Variants in DAGLB observed in about 807,000 individuals in gnomAD.
DAGLB encodes diacylglycerol lipase beta.
In DAGLB, 66 loss-of-function variants were observed where a neutral mutation model predicts 72.1. The ratio of observed to expected loss-of-function variants is 0.92; its 90% CI spans 0.75 to 1.12. The LOEUF is 1.12. DAGLB is among the 50% of genes most tolerant of loss of function. DAGLB has a pLI of 0.00. For missense variants in DAGLB, 1,065 were observed against 884.9 expected, an observed-to-expected ratio of 1.20 and a Z score of -2.58; for synonymous variants, 414 against 359.5, an observed-to-expected ratio of 1.15 and a Z score of -1.71.
At chr7:6,447,125 C>T (rs915352594) in intron 1 of DAGLB, among the ~76,000 whole-genome samples, 3 of 152,228 alleles carry the variant, frequency 2.0e-5, no homozygotes, top group Non-Finnish European at 4.4e-5. Context: ...AGGCGTGAGC[C>T]ATGGCGCCCA....
intron 9 of DAGLB, among the ~76,000 whole-genome samples, chr7:6,420,453 A>G (rs577150625): frequency 6.7e-6 from 1 of 148,298 alleles, no homozygotes; most frequent in Non-Finnish European, 1.5e-5. Context: ...AAAAAAAAAG[A>G]AAAGAAACAG....
rs545104996 is a variant in DAGLB, at chr7:6,443,051, C to T, written c.247+2902G>A. Reference sequence around the variant, plus strand: ...AAAAAAAAATAGCCAGGCACGGTGGCGGGCGCCTGTAGTCCCAGCTACTTG... The same window carrying T: ...AAAAAAAAATAGCCAGGCACGGTGGTGGGCGCCTGTAGTCCCAGCTACTTG... On this transcript the variant is annotated intron_variant, in intron 2 of 14. Coordinates refer to ENST00000297056, the MANE Select transcript of DAGLB (RefSeq NM_139179.4). Among the ~76,000 whole-genome samples the T allele has an allele frequency of 7.2e-4, 108 of 149,646 alleles. 1 individual carries two copies. Among genetic ancestry groups the T allele is most frequent in the African/African-American group, 2.4e-3 (97 of 40,800 alleles).
At chr7:6,414,537 G>C (rs972447489) in intron 11 of DAGLB, among the ~76,000 whole-genome samples, 1 of 151,830 alleles carries the variant, frequency 6.6e-6, no homozygotes, top group Non-Finnish European at 1.5e-5. Flanking sequence ...CTGGGCTCAA[G>C]TGATCCTCCT....
rs765101962 is a variant in DAGLB at position 6,445,991 on chromosome 7, A to T, written c.209T>A (p.Ile70Lys). The T allele has an allele frequency of 1.2e-6, 2 of 1,613,752 alleles. No individual in the cohort carries two copies. The highest frequency in any genetic ancestry group is 4.5e-5 in the East Asian group (2 of 44,876). The change falls in exon 2 of 15, where the codon ATA becomes AAA. Residue 70 changes from isoleucine (I) to lysine (K), a missense_variant. Transcript: ENST00000297056. ...ACACATGATGGCTGACACAGTACAT[A>T]TGACAACTGCCAGGAGAATCATGAG... ...IVLMILLAVV[I>K]CTVSAIMCVS...
chr7:6,423,020 G>C (rs1046876249), intron 8 of DAGLB, among the ~76,000 whole-genome samples: 2 of 152,210 alleles, frequency 1.3e-5, no homozygotes, highest in Non-Finnish European at 2.9e-5. Flanking sequence ...CAGACGCTGA[G>C]GTGAGTGGAT....
In DAGLB at chr7:6,418,899, C is replaced by T. The variant is rs192825020; in HGVS notation, c.1219-1978G>A. ...CAGGATGGTCTCCATCTCCTGACCT[C>T]GTGATCCACCCGCCTCGGCCTCCCA... On this transcript the variant is annotated intron_variant, in intron 9 of 14. Coordinates refer to ENST00000297056, the MANE Select transcript of DAGLB (RefSeq NM_139179.4). Among the ~76,000 whole-genome samples, 6 of 151,876 alleles carry T rather than the reference C, an allele frequency of 4.0e-5. No homozygotes were observed. The East Asian group carries it at 5.8e-4, about 15-fold the overall frequency.
chr7:6,413,624 C>T (rs1583279639), intron 11 of DAGLB, among the ~76,000 whole-genome samples: 2 of 148,076 alleles, frequency 1.4e-5, no homozygotes, highest in Admixed American at 1.3e-4. Context: ...AGCGAGACTC[C>T]ATCTCAAAAG....
chr7:6,424,982 C>T, intron 7 of DAGLB, 147 bp from the exon 8 acceptor site: 1 of 716,794 alleles, frequency 1.4e-6, no homozygotes, highest in South Asian at 1.6e-5. Context: ...ACGCTCACTA[C>T]ACAGTGGGAC....
Position 6,410,084 on chromosome 7 carries a change from C to A in DAGLB, c.1820+46G>T. ...CTCCCACGCGGCCCCAGGGCTGACC[C>A]CGCGCTGCTCCTGCCTGCCCACCAC... On this transcript the variant is annotated intron_variant, in intron 14 of 14. Transcript: ENST00000297056. 4 of 1,586,128 alleles carry A rather than the reference C, an allele frequency of 2.5e-6. No homozygotes were observed. In the East Asian group the frequency reaches 9.0e-5, roughly 36 times the overall value.
rs1349376362 is a variant in DAGLB, at chr7:6,416,771, A to AGAATGAGGT, written c.1300-26_1300-18dup. On this transcript the variant is annotated splice_polypyrimidine_tract_variant and intron_variant, in intron 10 of 14. Transcript: ENST00000297056. Reference sequence around the variant, plus strand: ...CCGGTACTCCTAGAGGACAGACAGCAGAATGAGGTGAAGGGTAAAAACAAC... The same window carrying AGAATGAGGT: ...CCGGTACTCCTAGAGGACAGACAGCAGAATGAGGTGAATGAGGTGAAGGGTAAAAACAAC... 4.3e-6 allele frequency: 7 copies of AGAATGAGGT among 1,613,910 alleles called. No individual in the cohort carries two copies. In the Admixed American group the frequency reaches 1.2e-4, roughly 27 times the overall value.
At position 6,424,805 on chromosome 7, in the gene DAGLB, C is replaced by T. The variant is rs763811319; in HGVS notation, c.1087G>A (p.Asp363Asn). The T allele has an allele frequency of 2.5e-6, 4 of 1,613,936 alleles. No individual in the cohort carries two copies. The highest frequency in any genetic ancestry group is 3.4e-6 in the Non-Finnish European group (4 of 1,179,898). The change falls in exon 8 of 15, where the codon GAT (aspartate) becomes AAT (asparagine). Residue 363 changes from aspartate (D) to asparagine (N), a missense_variant. Coordinates refer to ENST00000297056, the MANE Select transcript of DAGLB (RefSeq NM_139179.4). ...VYELPFLVAL[D>N]HRKESVVVAV... ...ACCACAACAGACTCTTTCCTGTGAT[C>T]CAGAGCCACTAAAAACGGCAGCTCG... is the stretch of plus-strand genomic sequence containing the variant.
rs1783662568 is a variant in DAGLB, at chr7:6,409,952, A to G, written c.1904T>C (p.Met635Thr). Residue 635 changes from methionine to threonine, a missense_variant, in exon 15 of 15, where the codon ATG (methionine) becomes ACG (threonine). Met to Thr is a moderately conservative substitution (Grantham distance 81). Coordinates refer to ENST00000297056, the MANE Select transcript of DAGLB (RefSeq NM_139179.4). ...GATGTCTGGCATGTGGTCGGTGAGC[A>G]TCTTCGGACCTATGAGTATTTTGCT... ...EFSKILIGPKMLTDHMPDILM... is the reference protein window; with the variant it reads ...EFSKILIGPKTLTDHMPDILM... 2 of 1,614,124 alleles carry G rather than the reference A, an allele frequency of 1.2e-6. No individual in the cohort carries two copies. Among genetic ancestry groups the G allele is most frequent in the Non-Finnish European group, 1.7e-6 (2 of 1,180,038 alleles).
chr7:6,445,496 T>TA (rs139980260), intron 2 of DAGLB, among the ~76,000 whole-genome samples: 4,061 of 152,270 alleles, frequency 0.027, 88 homozygotes, highest in South Asian at 0.097. Context: ...GAGTGACTGC[T>TA]AATGGGTATG....
intron 6 of DAGLB, among the ~76,000 whole-genome samples, chr7:6,429,222 TA>T (rs1360311446): frequency 2.6e-5 from 4 of 151,988 alleles, no homozygotes. Flanking sequence ...TATGATACAC[TA>T]GGAAGGATGG....
At chr7:6,417,698 G>C (rs1407829289) in intron 9 of DAGLB, 1 of 151,948 alleles carries the variant, frequency 6.6e-6, no homozygotes, top group Admixed American at 6.6e-5. Flanking sequence ...GGGCCACATA[G>C]CAAGACCCCA....
chr7:6,417,491 C>G (rs920421236), intron 9 of DAGLB: 65 of 153,810 alleles, frequency 4.2e-4, no homozygotes, highest in African/African-American at 1.4e-3. Context: ...TTTTCTGTAG[C>G]TACACCGTTT....
Position 6,409,945 on chromosome 7 carries a change from G to C in DAGLB, c.1911C>G (p.Thr637=), listed in dbSNP as rs758645677. The C allele has an allele frequency of 1.2e-6, 2 of 1,614,150 alleles. No homozygotes were observed. The highest frequency in any genetic ancestry group is 4.5e-5 in the East Asian group (2 of 44,880). Residue 637 remains threonine, a synonymous_variant, in exon 15 of 15, where the codon ACC becomes ACG. Coordinates refer to ENST00000297056, the MANE Select transcript of DAGLB (RefSeq NM_139179.4). ...SKILIGPKML[T]DHMPDILMRA... is the part of the protein sequence containing the mutation. ...GCATCAGGATGTCTGGCATGTGGTC[G>C]GTGAGCATCTTCGGACCTATGAGTA...
intron 9 of DAGLB, among the ~76,000 whole-genome samples, chr7:6,420,752 C>T (rs1011374172): frequency 6.6e-6 from 1 of 152,178 alleles, no homozygotes. Flanking sequence ...GCCCCCAAAA[C>T]TAGAAACCCC....
Position 6,436,977 on chromosome 7 carries a change from T to A in DAGLB, c.248-444A>T, listed in dbSNP as rs1784680045. 2.6e-5 allele frequency among the ~76,000 whole-genome samples: 4 copies of A among 151,780 alleles called. No individual in the cohort carries two copies. In the South Asian group the frequency reaches 8.3e-4, roughly 32 times the overall value. On this transcript the variant is annotated intron_variant, in intron 2 of 14. Transcript: ENST00000297056. The stretch of plus-strand genomic sequence containing the variant: ...CCAGCCTGGCCAACATGGTGAAACC[T>A]CATCTCTACTAAAAATTAAAAAATT...
Sources: gnomAD v4.1 joint callset for allele counts (sites outside exome capture counted in the v4.1 genomes callset) on GRCh38, gnomAD v4.1.1 for gene constraint, MANE v1.5 for transcripts, NCBI Gene and HGNC (gene_info 2026-07-23, HGNC 2026-07-21) for gene names.